The following SAA2 variants were observed in gnomAD, a reference collection of about 807,000 sequenced individuals.
SAA2 encodes serum amyloid A2.
Under a neutral mutation model 9.1 loss-of-function variants are expected in SAA2, and 5 were observed. That is an observed-to-expected ratio of 0.55 (90% CI 0.29 to 1.16). The LOEUF (loss-of-function observed/expected upper bound fraction) is 1.16, where lower values mean the gene tolerates loss of function less well. Ranked by LOEUF, SAA2 falls within the 50% of genes most tolerant of loss-of-function variation. The pLI is 0.09. For missense variants in SAA2, 94 were observed against 153.8 expected, an observed-to-expected ratio of 0.61 and a Z score of 2.06; for synonymous variants, 49 against 59.8, an observed-to-expected ratio of 0.82 and a Z score of 0.83.
intron 3 of SAA2, 128 bp downstream of exon 3, chr11:18,245,782 A>C (rs1857499985): frequency 6.9e-7 from 1 of 1,451,942 alleles, no homozygotes; most frequent in African/African-American, 1.4e-5. Flanking sequence ...GCACAGAGGC[A>C]GAGAGAGGGC....
At chr11:18,245,813 C>T in intron 3 of SAA2, 97 bp downstream of exon 3, 2 of 1,418,764 alleles carry the variant, frequency 1.4e-6, no homozygotes, top group East Asian at 5.1e-5. Flanking sequence ...GGGACCACAG[C>T]CTCTAACTTC....
chr11:18,246,714 G>A (rs1025298264), intron 2 of SAA2, among the ~76,000 whole-genome samples: 1 of 151,750 alleles, frequency 6.6e-6, no homozygotes, highest in African/African-American at 2.4e-5. Flanking sequence ...CATATTTTTA[G>A]TAGACACAGG....
At position 18,245,434 on chromosome 11, in the gene SAA2, G is replaced by A. The variant is rs1339197647; in HGVS notation, c.312C>T (p.Gly104=). The A allele has an allele frequency of 6.2e-7, 1 of 1,614,222 alleles. No individual in the cohort carries two copies. The highest frequency in any genetic ancestry group is 8.5e-7 in the Non-Finnish European group (1 of 1,180,044). ...AGTGATTGGGGTCTCTGCCACTCCT[G>A]CCCCATTTATTGGCAGCCTGATCGG... ...SLADQAANKW[G]RSGRDPNHFR... The change falls in exon 4 of 4, where the codon GGC becomes GGT. Residue 104 remains glycine, a synonymous_variant. Transcript: ENST00000256733.
intron 2 of SAA2, among the ~76,000 whole-genome samples, chr11:18,246,680 T>C (rs962434874): frequency 6.6e-6 from 1 of 152,168 alleles, no homozygotes; most frequent in African/African-American, 2.4e-5. Context: ...TACAGGTGCC[T>C]GCCACCACGC....
At chr11:18,240,500 A>C (rs1229399026), downstream of SAA2, among the ~76,000 whole-genome samples, 1 of 152,210 alleles carries the variant, frequency 6.6e-6, no homozygotes, top group Non-Finnish European at 1.5e-5. Context: ...TTATTTAATA[A>C]ATGTTGATGG....
chr11:18,246,678 C>A (rs1202322875), intron 2 of SAA2, among the ~76,000 whole-genome samples: 1 of 152,188 alleles, frequency 6.6e-6, no homozygotes, highest in African/African-American at 2.4e-5. Context: ...ATTACAGGTG[C>A]CTGCCACCAC....
downstream of SAA2, among the ~76,000 whole-genome samples, chr11:18,244,609 A>G (rs1857444530): frequency 6.6e-6 from 1 of 152,132 alleles, no homozygotes; most frequent in Non-Finnish European, 1.5e-5. Flanking sequence ...CTGTCTCCCA[A>G]AGGGACCCTG....
intron 3 of SAA2, 152 bp from the exon 4 acceptor site, chr11:18,245,667 GC>G: frequency 7.2e-7 from 1 of 1,383,402 alleles, no homozygotes; most frequent in Non-Finnish European, 9.7e-7. Context: ...CCTGGGCACT[GC>G]CCCATTCAGA....
downstream of SAA2, among the ~76,000 whole-genome samples, chr11:18,238,555 T>C (rs920084509): frequency 6.6e-6 from 1 of 152,186 alleles, no homozygotes; most frequent in Non-Finnish European, 1.5e-5. Context: ...GTGTATATAA[T>C]TATGGGGTAC....
At chr11:18,244,982 T>C (rs1590012410), downstream of SAA2, among the ~76,000 whole-genome samples, 1 of 152,126 alleles carries the variant, frequency 6.6e-6, no homozygotes, top group South Asian at 2.1e-4. Context: ...TAACAGGAAA[T>C]AATTCACAGG....
intron 3 of SAA2, chr11:18,240,056 A>G (rs765800179): frequency 3.3e-6 from 5 of 1,500,672 alleles, no homozygotes; most frequent in Non-Finnish European, 4.5e-6. Flanking sequence ...TGATTTCCCA[A>G]TAACCCAATG....
At chr11:18,240,344 G>T, downstream of SAA2, 1 of 701,796 alleles carries the variant, frequency 1.4e-6, no homozygotes, top group Non-Finnish European at 2.6e-6. Flanking sequence ...TCTTTCATGG[G>T]ATGCAGCCAT....
chr11:18,246,526 A>C (rs1387683015), intron 2 of SAA2, among the ~76,000 whole-genome samples: 1 of 152,128 alleles, frequency 6.6e-6, no homozygotes, highest in Non-Finnish European at 1.5e-5. Context: ...CCGTGGTTGC[A>C]CTTTCTTTTT....
downstream of SAA2, among the ~76,000 whole-genome samples, chr11:18,241,587 G>A (rs1313922906): frequency 6.6e-6 from 1 of 152,136 alleles, no homozygotes; most frequent in Non-Finnish European, 1.5e-5. Context: ...TAAAAAGAAT[G>A]AAATCGTATC....
In SAA2 at chr11:18,245,407, G is replaced by A; in HGVS notation, c.339C>T (p.Phe113=). ...WGRSGRDPNH[F]RPAGLPEKY ...ATTTCTCAGGCAGGCCAGCAGGTCG[G>A]AAGTGATTGGGGTCTCTGCCACTCC... Residue 113 remains phenylalanine, a synonymous_variant, in exon 4 of 4, where the codon TTC becomes TTT. Coordinates refer to ENST00000256733, the MANE Select transcript of SAA2 (RefSeq NM_030754.5). 6.2e-7 allele frequency: 1 copy of A among 1,614,258 alleles called. No individual in the cohort carries two copies. Among genetic ancestry groups the A allele is most frequent in the Non-Finnish European group, 8.5e-7 (1 of 1,180,052 alleles).
At chr11:18,241,408 A>C (rs1857342160), downstream of SAA2, among the ~76,000 whole-genome samples, 7 of 152,214 alleles carry the variant, frequency 4.6e-5, no homozygotes, top group Admixed American at 4.6e-4. Context: ...AAAATAGATC[A>C]TTATATAAAA....
chr11:18,241,608 A>T (rs541723817), downstream of SAA2, among the ~76,000 whole-genome samples: 1 of 152,230 alleles, frequency 6.6e-6, no homozygotes, highest in Non-Finnish European at 1.5e-5. Context: ...TTTTGCTGCA[A>T]CATAGATAGA....
In SAA2 at chr11:18,245,471, T is replaced by C; in HGVS notation, c.275A>G (p.Glu92Gly). The C allele has an allele frequency of 6.2e-7, 1 of 1,614,192 alleles. No homozygotes were observed. Among genetic ancestry groups the C allele is most frequent in the Non-Finnish European group, 8.5e-7 (1 of 1,180,024 alleles). The change falls in exon 4 of 4, where the codon GAG (glutamate) becomes GGG (glycine). Residue 92 changes from glutamate to glycine, a missense_variant. Glu to Gly is a moderately conservative substitution (Grantham distance 98). Around this residue, in one of 2 missense-constraint regions of SAA2, gnomAD observed 62 missense variants for 58.3 expected, o/e 1.06. Coordinates refer to ENST00000256733, the MANE Select transcript of SAA2 (RefSeq NM_030754.5). The stretch of plus-strand genomic sequence containing the variant: ...GGCAGCCTGATCGGCCAGCGAGTCC[T>C]CCGCACCACGGCCTGTGAGTCTCTG... ...NIQRLTGRGA[E>G]DSLADQAANK... is the part of the protein sequence containing the mutation.
At chr11:18,240,457 A>C (rs971424093), downstream of SAA2, among the ~76,000 whole-genome samples, 2 of 152,200 alleles carry the variant, frequency 1.3e-5, no homozygotes, top group African/African-American at 2.4e-5. Flanking sequence ...TTTTGGGGTG[A>C]CATTCCCTGG....
Sources: allele counts gnomAD v4.1 joint callset (sites outside exome capture counted in the v4.1 genomes callset), GRCh38; gene constraint gnomAD v4.1.1; regional missense constraint gnomAD v4.1.1; transcripts MANE v1.5; gene names NCBI Gene and HGNC (gene_info 2026-07-23, HGNC 2026-07-21).